Variants in RGS3 observed in about 807,000 individuals in gnomAD.
The protein encoded by RGS3 is regulator of G protein signaling 3.
Under a neutral mutation model 132.6 loss-of-function variants are expected in RGS3, and 80 were observed. The ratio of observed to expected loss-of-function variants is 0.60; its 90% CI spans 0.50 to 0.73. The LOEUF (loss-of-function observed/expected upper bound fraction) is 0.73, where lower values mean the gene tolerates loss of function less well. RGS3 is among the 30% of genes least tolerant of loss of function. The pLI is 0.00. For synonymous variants in RGS3, 598 were observed against 620.6 expected, an observed-to-expected ratio of 0.96 and a Z score of 0.54; for missense variants, 1,382 against 1,530.8, an observed-to-expected ratio of 0.90 and a Z score of 1.62.
intron 19 of RGS3, among the ~76,000 whole-genome samples, chr9:113,553,459 A>AAAAAAAAAATATAT (rs1426114805): frequency 3.6e-4 from 21 of 58,696 alleles, no homozygotes; most frequent in African/African-American, 5.0e-4. Flanking sequence ...AAAAAAAAAA[A>AAAAAAAAAATATAT]ATATATATAT....
In RGS3 at chr9:113,485,637, G is replaced by A. The variant is rs2119233868; in HGVS notation, c.633G>A (p.Glu211=). The A allele has an allele frequency of 3.1e-6, 5 of 1,598,512 alleles. No homozygotes were observed. In the South Asian group the frequency reaches 5.7e-5, roughly 18 times the overall value. The change falls in exon 7 of 25, where the codon GAG becomes GAA. Residue 211 remains glutamate, a synonymous_variant. Transcript: ENST00000350696. Reference sequence around the variant, plus strand: ...ATTGATTTCGCAGTCCTGTCCAAGAGGAGGATGATCAGAAGCGTCTCTTGG... The same window carrying A: ...ATTGATTTCGCAGTCCTGTCCAAGAAGAGGATGATCAGAAGCGTCTCTTGG...
At chr9:113,534,875 C>T (rs28694002) in intron 18 of RGS3, among the ~76,000 whole-genome samples, 18,121 of 152,000 alleles carry the variant, frequency 0.12, 1,296 homozygotes, top group African/African-American at 0.19. Flanking sequence ...CCTTGGCCTC[C>T]CAAAATGCTG....
At chr9:113,491,365 C>T (rs1341742865) in intron 7 of RGS3, among the ~76,000 whole-genome samples, 2 of 151,814 alleles carry the variant, frequency 1.3e-5, no homozygotes, top group African/African-American at 2.4e-5. Context: ...TCTCTGGCCT[C>T]AGCCTCCCAA....
intron 10 of RGS3, among the ~76,000 whole-genome samples, chr9:113,500,709 A>G (rs977204083): frequency 1.6e-4 from 23 of 144,396 alleles, no homozygotes; most frequent in Middle Eastern, 3.2e-3. Context: ...TTTTTTTGAG[A>G]CAGACTCTTT....
In RGS3 at chr9:113,452,926, A is replaced by AATATATAAATAAAATATATTTATATATG. The variant is rs1385771290; in HGVS notation, c.-12-7294_-12-7267dup. Reference sequence around the variant, plus strand: ...AAATATATATTATATATTTATATATAATATATAAATAAAATATATTTATAT... The same window carrying AATATATAAATAAAATATATTTATATATG: ...AAATATATATTATATATTTATATATAATATATAAATAAAATATATTTATATATGATATATAAATAAAATATATTTATAT... On this transcript the variant is annotated intron_variant, in intron 1 of 25. Transcript: ENST00000374140. 4.8e-4 allele frequency among the ~76,000 whole-genome samples: 64 copies of AATATATAAATAAAATATATTTATATATG among 134,388 alleles called. 1 individual carries two copies. Among genetic ancestry groups the AATATATAAATAAAATATATTTATATATG allele is most frequent in the Admixed American group, 9.0e-4 (11 of 12,166 alleles). The allele number at this position is 134,388 out of a possible 152,430, so 88.2% of individuals were successfully genotyped here. A position where few individuals can be genotyped will look rare whatever the true frequency, so the allele number is the denominator to read the frequency against.
At chr9:113,464,075 G>T (rs1412524117) in intron 3 of RGS3, among the ~76,000 whole-genome samples, 194 bp downstream of exon 1, 1 of 152,220 alleles carries the variant, frequency 6.6e-6, no homozygotes. Flanking sequence ...CAAGCTGCTG[G>T]ACACCACCTG....
At chr9:113,590,274 A>G (rs1354457613) in intron 20 of RGS3, among the ~76,000 whole-genome samples, 2 of 152,136 alleles carry the variant, frequency 1.3e-5, no homozygotes, top group Non-Finnish European at 2.9e-5. Flanking sequence ...TGCCCCATCC[A>G]GGGTCTGGCC....
At chr9:113,560,491 C>T (rs1001470324) in intron 19 of RGS3, among the ~76,000 whole-genome samples, 12 of 152,206 alleles carry the variant, frequency 7.9e-5, no homozygotes, top group South Asian at 2.1e-4. Flanking sequence ...TGGCAGCCCC[C>T]GTTTGCAGCA....
At chr9:113,491,050 A>C (rs1830501459) in intron 7 of RGS3, among the ~76,000 whole-genome samples, 1 of 131,934 alleles carries the variant, frequency 7.6e-6, no homozygotes, top group Non-Finnish European at 1.5e-5. Flanking sequence ...ATTATATATA[A>C]CTTAATTATA....
intron 16 of RGS3, among the ~76,000 whole-genome samples, chr9:113,519,994 A>G (rs1446158101): frequency 6.6e-6 from 1 of 152,166 alleles, no homozygotes; most frequent in Non-Finnish European, 1.5e-5. Flanking sequence ...ACCATTAACT[A>G]AGGCACCAAA....
In RGS3 at chr9:113,536,674, C is replaced by T. The variant is rs540548930; in HGVS notation, c.1915-122C>T. On this transcript the variant is annotated intron_variant, in intron 18 of 24. Coordinates refer to ENST00000350696, the Ensembl canonical transcript of RGS3. The stretch of plus-strand genomic sequence containing the variant: ...ATTAGTGTGCATTTGCGGCTTTTGG[C>T]GGACACTCCCCTCCTGGCTGCAGCC... 85 of 1,501,704 alleles carry T rather than the reference C, an allele frequency of 5.7e-5. No homozygotes were observed. The Middle Eastern group carries it at 1.6e-3, about 29-fold the overall frequency. The allele number at this position is 1,501,704 out of a possible 1,614,324, so 93.0% of individuals were successfully genotyped here.
chr9:113,574,057 G>A lies in RGS3; in HGVS notation c.2038-9393G>A, dbSNP rs114078478. ...ATGATACTGATCTCATAGGATTGTT[G>A]GAAGTAGAGCCTAAAGTATAAAACA... On this transcript the variant is annotated intron_variant, in intron 19 of 24. Transcript: ENST00000350696. Among the ~76,000 whole-genome samples, 250 of 152,242 alleles carry A rather than the reference G, an allele frequency of 1.6e-3. 2 individuals carry two copies. The highest frequency in any genetic ancestry group is 5.5e-3 in the African/African-American group (230 of 41,532).
chr9:113,529,116 G>T, intron 17 of RGS3, 105 bp from the exon 16 acceptor site: 1 of 860,572 alleles, frequency 1.2e-6, no homozygotes, highest in Non-Finnish European at 2.0e-6. Flanking sequence ...TTCCCAGGAG[G>T]TGCCACACAC....
At chr9:113,512,110 G>A (rs932204319) in intron 14 of RGS3, among the ~76,000 whole-genome samples, 2 of 152,152 alleles carry the variant, frequency 1.3e-5, no homozygotes, top group South Asian at 4.1e-4. Context: ...CCACTTCAAA[G>A]TGGAGAAAAC....
chr9:113,519,384 C>A (rs1390916039), intron 16 of RGS3, among the ~76,000 whole-genome samples: 1 of 152,078 alleles, frequency 6.6e-6, no homozygotes, highest in East Asian at 1.9e-4. Flanking sequence ...ACCCCTCTCC[C>A]TTAGCCTTGA....
At chr9:113,564,523 A>G (rs866944882) in intron 19 of RGS3, among the ~76,000 whole-genome samples, 1 of 152,186 alleles carries the variant, frequency 6.6e-6, no homozygotes, top group Non-Finnish European at 1.5e-5. Flanking sequence ...GTGACACCCA[A>G]TTAACCAGTG....
At chr9:113,555,402 T>G (rs1350151512) in intron 19 of RGS3, among the ~76,000 whole-genome samples, 1 of 152,202 alleles carries the variant, frequency 6.6e-6, no homozygotes, top group Non-Finnish European at 1.5e-5. Context: ...TGGACCATAC[T>G]TCTCTGCTTT....
At chr9:113,459,525 G>A (rs1334054831), upstream of RGS3, among the ~76,000 whole-genome samples, 3 of 152,094 alleles carry the variant, frequency 2.0e-5, no homozygotes, top group Admixed American at 6.5e-5. Context: ...CAAGGTGTAC[G>A]GTTCACTTGA....
chr9:113,537,457 G>A lies in RGS3; in HGVS notation c.2037+539G>A, dbSNP rs1056702740. 2.6e-5 allele frequency among the ~76,000 whole-genome samples: 4 copies of A among 152,194 alleles called. No individual in the cohort carries two copies. Among genetic ancestry groups the A allele is most frequent in the Non-Finnish European group, 5.9e-5 (4 of 68,020 alleles). On this transcript the variant is annotated intron_variant, in intron 19 of 24. Transcript: ENST00000350696. The surrounding 1 kb of genome is among the most constrained non-coding windows in gnomAD (Gnocchi z 4.3). ...GGAAGATTAGAGACTCCCAGGGGAG[G>A]CTGTTCTGGGCTGGGCACTGCTCAG... is the stretch of plus-strand genomic sequence containing the variant.
Sources: gnomAD v4.1 joint callset for allele counts (sites outside exome capture counted in the v4.1 genomes callset) on GRCh38, gnomAD v4.1.1 for gene constraint, Gnocchi (gnomAD v3.1) non-coding constraint, MANE v1.5 for transcripts, NCBI Gene and HGNC (gene_info 2026-07-23, HGNC 2026-07-21) for gene names.